Variants in ATRX observed in about 807,000 individuals in gnomAD.
ATRX encodes ATRX chromatin remodeler.
In ATRX, 12 loss-of-function variants were observed where a neutral mutation model predicts 172.6. The ratio of observed to expected loss-of-function variants is 0.07; its 90% CI spans 0.04 to 0.11. The LOEUF (loss-of-function observed/expected upper bound fraction) is 0.11, where lower values mean the gene tolerates loss of function less well. Ranked by LOEUF, ATRX falls within the 10% of genes least tolerant of loss-of-function variation. ATRX has a pLI of 1.00. For synonymous variants in ATRX, 674 were observed against 594.7 expected, an observed-to-expected ratio of 1.13 and a Z score of -1.94; for missense variants, 1,368 against 1,767.4, an observed-to-expected ratio of 0.77 and a Z score of 4.05.
chrX:77,748,200 T>C (rs190804811), intron 1 of ATRX, among the ~76,000 whole-genome samples: 163 of 112,124 alleles, frequency 1.5e-3, no homozygotes, highest in Non-Finnish European at 2.4e-3. Context: ...AAGTTTTCCA[T>C]GTACTGATAT....
Position 77,654,155 on chromosome X carries a change from T to A in ATRX, c.4260A>T (p.Lys1420Asn), listed in dbSNP as rs2148450944. The change falls in exon 14 of 35, where the codon AAA becomes AAT. Residue 1420 changes from lysine to asparagine, a missense_variant. By Grantham distance (94) the Lys-to-Asn change is moderately conservative. Coordinates refer to ENST00000373344, the MANE Select transcript of ATRX (RefSeq NM_000489.6). ...TAATACGTCGCCTTTTCTTTTTCTG[T>A]TTATAGCTCCGCTGATTTTCTTCCA... ...AELEENQRSY[K>N]QKKKRRRIKV... 1.7e-6 allele frequency: 2 copies of A among 1,210,825 alleles called. No homozygotes were observed. Among genetic ancestry groups the A allele is most frequent in the South Asian group, 1.8e-5 (1 of 56,999 alleles).
chrX:77,563,161 C>T (rs782124376), intron 28 of ATRX, among the ~76,000 whole-genome samples: 43 of 112,307 alleles, frequency 3.8e-4, no homozygotes, highest in Non-Finnish European at 4.3e-4. Flanking sequence ...TGACTAAGAA[C>T]TCTGACTAAC....
At chrX:77,609,766 C>T (rs782222084) in intron 22 of ATRX, among the ~76,000 whole-genome samples, 46 of 111,955 alleles carry the variant, frequency 4.1e-4, no homozygotes, top group Non-Finnish European at 7.9e-4. Flanking sequence ...CATGAGCCAC[C>T]ATACCCGTCC....
intron 22 of ATRX, among the ~76,000 whole-genome samples, chrX:77,606,606 C>T (rs1197795536): frequency 9.0e-6 from 1 of 110,792 alleles, no homozygotes; most frequent in Non-Finnish European, 1.9e-5. Context: ...GGGATTTATC[C>T]TAGGGATGCA....
chrX:77,633,199 T>TTTA lies in ATRX; in HGVS notation c.5134+7_5134+8insTAA. The TTTA allele has an allele frequency of 8.3e-7, 1 of 1,205,603 alleles. No individual in the cohort carries two copies. Among genetic ancestry groups the TTTA allele is most frequent in the Non-Finnish European group, 1.1e-6 (1 of 889,753 alleles). ...GCTTCTTTATGTCACTGTCTATTAA[T>TTTA]ACCTTACCTGGATCAACCAAAGCTT... On this transcript the variant is annotated splice_region_variant and intron_variant, in intron 19 of 34. Transcript: ENST00000373344.
Position 77,681,571 on chromosome X carries a change from C to T in ATRX, c.3685G>A (p.Val1229Met), listed in dbSNP as rs1557136845. The change falls in exon 9 of 35, where the codon GTG becomes ATG. Residue 1229 changes from valine (V) to methionine (M), a missense_variant. Val to Met is a conservative substitution (Grantham distance 21). This residue lies in a region of ATRX where 843 missense variants were observed against 643.1 expected (regional missense o/e 1.31). Coordinates refer to ENST00000373344, the MANE Select transcript of ATRX (RefSeq NM_000489.6). ...GAAGACAGCACTAAATTTTCAGTCA[C>T]AGGCTTAATTTTCTGTTCATCGCTG... ...GSSDEQKIKPVTENLVLSSHT... is the reference protein window; with the variant it reads ...GSSDEQKIKPMTENLVLSSHT... 1 of 1,210,046 alleles carries T rather than the reference C, an allele frequency of 8.3e-7. No homozygotes were observed. Among genetic ancestry groups the T allele is most frequent in the Admixed American group, 2.2e-5 (1 of 45,820 alleles).
intron 2 of ATRX, chrX:77,699,026 G>A: frequency 1.4e-5 from 2 of 143,827 alleles, no homozygotes; most frequent in Non-Finnish European, 1.3e-5. Flanking sequence ...AAATCAAGGA[G>A]AAGGAAATAA....
At chrX:77,686,155 A>G (rs2071540827) in intron 7 of ATRX, among the ~76,000 whole-genome samples, 1 of 112,272 alleles carries the variant, frequency 8.9e-6, no homozygotes. Context: ...GGGTGACTAC[A>G]GTCAATAGCA....
At chrX:77,613,838 ATTTAG>A (rs1446729893) in intron 22 of ATRX, among the ~76,000 whole-genome samples, 3 of 112,191 alleles carry the variant, frequency 2.7e-5, no homozygotes, top group Admixed American at 9.5e-5. Context: ...CCAGACTAAT[ATTTAG>A]TTATTAAAAA....
At chrX:77,566,123 T>G (rs782195764) in intron 28 of ATRX, among the ~76,000 whole-genome samples, 1 of 111,220 alleles carries the variant, frequency 9.0e-6, no homozygotes, top group African/African-American at 3.3e-5. Flanking sequence ...GACTGAAAAT[T>G]ACCAAAATGT....
chrX:77,549,965 G>C (rs1291092934), intron 30 of ATRX, among the ~76,000 whole-genome samples: 1 of 109,851 alleles, frequency 9.1e-6, no homozygotes, highest in Non-Finnish European at 1.9e-5. Context: ...AAAATGAAAT[G>C]AAATGAAATG....
At chrX:77,705,683 C>A (rs1321130549) in intron 2 of ATRX, among the ~76,000 whole-genome samples, 1 of 112,003 alleles carries the variant, frequency 8.9e-6, no homozygotes, top group Non-Finnish European at 1.9e-5. Flanking sequence ...AGAACAGCCT[C>A]AGAAACATAG....
At chrX:77,539,788 G>T (rs185962586) in intron 30 of ATRX, among the ~76,000 whole-genome samples, 17 of 111,926 alleles carry the variant, frequency 1.5e-4, no homozygotes, top group Admixed American at 1.2e-3. Context: ...TCACCACCAG[G>T]CCTGCCTTGT....
intron 6 of ATRX, chrX:77,691,208 T>G (rs1484146760): frequency 8.9e-6 from 1 of 112,031 alleles, no homozygotes; most frequent in African/African-American, 3.2e-5. Context: ...TGCATAAAAC[T>G]TCAATATAAT....
intron 30 of ATRX, among the ~76,000 whole-genome samples, chrX:77,542,770 G>A (rs2064061420): frequency 8.9e-6 from 1 of 111,939 alleles, no homozygotes; most frequent in South Asian, 3.7e-4. Context: ...GCCATATGCA[G>A]AAAACTGAAA....
intron 10 of ATRX, among the ~76,000 whole-genome samples, chrX:77,670,946 G>C (rs1213723213): frequency 7.6e-5 from 8 of 104,679 alleles, no homozygotes; most frequent in Non-Finnish European, 1.6e-4. Context: ...TCAGGAGTTC[G>C]AGAGCAGCCT....
At chrX:77,709,476 G>A (rs1557159300) in intron 2 of ATRX, among the ~76,000 whole-genome samples, 1 of 110,590 alleles carries the variant, frequency 9.0e-6, no homozygotes, top group Non-Finnish European at 1.9e-5. Flanking sequence ...TAACTATTAG[G>A]TACTGGGCTT....
chrX:77,604,195 C>T (rs1557088911), intron 22 of ATRX, among the ~76,000 whole-genome samples: 1 of 112,199 alleles, frequency 8.9e-6, no homozygotes, highest in African/African-American at 3.2e-5. Flanking sequence ...AAATAATTAA[C>T]TGAGTGAACA....
At chrX:77,614,570 T>G (rs1417854665) in intron 22 of ATRX, among the ~76,000 whole-genome samples, 2 of 111,986 alleles carry the variant, frequency 1.8e-5, no homozygotes, top group Admixed American at 1.9e-4. Flanking sequence ...AAAAAGAGTG[T>G]TTTTTTAAAA....
Sources: gnomAD v4.1 joint callset for allele counts (sites outside exome capture counted in the v4.1 genomes callset) on GRCh38, gnomAD v4.1.1 for gene constraint, gnomAD v4.1.1 regional missense constraint, MANE v1.5 for transcripts, NCBI Gene and HGNC (gene_info 2026-07-23, HGNC 2026-07-21) for gene names.